Variants in MEGF6 observed in about 807,000 individuals in gnomAD.
The protein encoded by MEGF6 is multiple EGF like domains 6.
In MEGF6, 184 loss-of-function variants were observed where a neutral mutation model predicts 207.1. That is an observed-to-expected ratio of 0.89 (90% CI 0.79 to 1.00). The LOEUF is 1.00. Among genes scored for constraint, MEGF6 ranks in the 50% least tolerant of loss-of-function variants. The pLI is 0.00. For missense variants in MEGF6, 2,282 were observed against 2,202.9 expected (o/e 1.04, Z -0.72); for synonymous variants, 1,038 against 910.0 (o/e 1.14, Z -2.53).
At chr1:3,509,331 C>A in intron 11 of MEGF6, 86 bp from the exon 12 acceptor site, 3 of 1,268,488 alleles carry the variant, frequency 2.4e-6, no homozygotes, top group Non-Finnish European at 3.1e-6. Context: ...GGGCCTAAGC[C>A]CCACCCCAGG....
intron 2 of MEGF6, among the ~76,000 whole-genome samples, chr1:3,598,683 T>C (rs1191804479): frequency 1.3e-5 from 2 of 149,344 alleles, no homozygotes; most frequent in Non-Finnish European, 3.0e-5. Flanking sequence ...GGGGAGCTGG[T>C]TCACGCAGGG....
chr1:3,535,348 G>A (rs1642293887), intron 4 of MEGF6, among the ~76,000 whole-genome samples: 1 of 152,152 alleles, frequency 6.6e-6, no homozygotes, highest in Non-Finnish European at 1.5e-5. Flanking sequence ...AGAGCTATGG[G>A]AGCCTCCTGG....
intron 4 of MEGF6, among the ~76,000 whole-genome samples, chr1:3,572,885 TTCCTGGGTGTGCTGGGTTC>T (rs1306936084): frequency 8.0e-6 from 1 of 124,448 alleles, no homozygotes; most frequent in South Asian, 3.0e-4. Flanking sequence ...TGCTGGGTCC[TTCCTGGGTGTGCTGGGTTC>T]TCCTGGGTGT....
At chr1:3,624,035 C>T in the MEGF6 span, among the ~76,000 whole-genome samples, 1 of 152,306 alleles carries the variant, frequency 6.6e-6, no homozygotes, top group African/African-American at 2.4e-5. Flanking sequence ...ACAAATACTC[C>T]GCTCCATCCC....
intron 5 of MEGF6, among the ~76,000 whole-genome samples, chr1:3,515,856 A>G (rs1641525076): frequency 1.3e-5 from 2 of 152,152 alleles, no homozygotes; most frequent in African/African-American, 4.8e-5. Context: ...AGCACAGAAC[A>G]CTAAGCACCA....
At chr1:3,605,665 AACTCAC>A (rs61705210) in intron 1 of MEGF6, among the ~76,000 whole-genome samples, 74,054 of 150,892 alleles carry the variant, frequency 0.49, 19,671 homozygotes, top group Non-Finnish European at 0.61. Flanking sequence ...CAAGCTCACA[AACTCAC>A]ACACACTCGC....
At chr1:3,555,829 A>G (rs7516641) in intron 4 of MEGF6, among the ~76,000 whole-genome samples, 43,025 of 152,184 alleles carry the variant, frequency 0.28, 10,112 homozygotes, top group African/African-American at 0.65. Flanking sequence ...GCCCCCAACC[A>G]AGGAAGCGAG....
chr1:3,609,812 C>T (rs557236992), intron 1 of MEGF6, among the ~76,000 whole-genome samples: 7 of 152,342 alleles, frequency 4.6e-5, no homozygotes, highest in South Asian at 2.1e-4. Flanking sequence ...CCAGGAAGGT[C>T]GCTGACGGTT....
chr1:3,559,856 A>C (rs2101634281), intron 4 of MEGF6, among the ~76,000 whole-genome samples: 1 of 152,134 alleles, frequency 6.6e-6, no homozygotes, highest in East Asian at 1.9e-4. Context: ...CTAAAAATAC[A>C]AAAAATTAGC....
chr1:3,526,703 T>C (rs1054575384), intron 4 of MEGF6, among the ~76,000 whole-genome samples: 5 of 152,082 alleles, frequency 3.3e-5, no homozygotes, highest in Non-Finnish European at 5.9e-5. Context: ...CCAGCCCAGG[T>C]GACACCTTTT....
chr1:3,531,240 C>T lies in MEGF6; in HGVS notation c.482-6994G>A, dbSNP rs961668796. On this transcript the variant is annotated intron_variant, in intron 4 of 36. Transcript: ENST00000356575. ...CGGCCAGCCCGCGGTCCCGGGACGCCCCCATGGCCTGGTAGGCCGGCGGGC... is the reference window on the plus strand; with the variant it reads ...CGGCCAGCCCGCGGTCCCGGGACGCTCCCATGGCCTGGTAGGCCGGCGGGC... 6.3e-6 allele frequency: 9 copies of T among 1,419,928 alleles called. No homozygotes were observed. In the African/African-American group the frequency reaches 1.4e-4, roughly 21 times the overall value. 88.0% of individuals were successfully genotyped at this position (1,419,928 alleles called of 1,614,324 possible).
intron 4 of MEGF6, among the ~76,000 whole-genome samples, chr1:3,548,990 T>C (rs1389816528): frequency 6.6e-6 from 1 of 152,140 alleles, no homozygotes; most frequent in African/African-American, 2.4e-5. Flanking sequence ...CAATCGCCCC[T>C]TGTTCCCCCA....
At chr1:3,517,298 AC>A (rs1641578303) in intron 5 of MEGF6, among the ~76,000 whole-genome samples, 1 of 151,652 alleles carries the variant, frequency 6.6e-6, no homozygotes, top group South Asian at 2.1e-4. Context: ...GCTTCTCATC[AC>A]CCCCTCCAGA....
chr1:3,537,326 C>T (rs993223354), intron 4 of MEGF6, among the ~76,000 whole-genome samples: 10 of 152,268 alleles, frequency 6.6e-5, no homozygotes, highest in East Asian at 3.9e-4. Context: ...TGGCTGGTGG[C>T]GGGGGGTTGA....
chr1:3,596,482 CCCGCG>C, intron 2 of MEGF6, among the ~76,000 whole-genome samples: 1 of 148,216 alleles, frequency 6.7e-6, no homozygotes, highest in East Asian at 2.0e-4. Flanking sequence ...CCCAGGGCAC[CCCGCG>C]CCATCCCCTG....
intron 4 of MEGF6, among the ~76,000 whole-genome samples, chr1:3,525,233 G>A (rs1641918088): frequency 1.3e-5 from 2 of 152,178 alleles, no homozygotes; most frequent in South Asian, 2.1e-4. Context: ...TCCCAGAGCA[G>A]CCCAGACCCC....
chr1:3,568,844 C>A (rs1167244729), intron 4 of MEGF6, among the ~76,000 whole-genome samples: 2 of 152,192 alleles, frequency 1.3e-5, no homozygotes, highest in African/African-American at 4.8e-5. Flanking sequence ...ACAGCCTGAA[C>A]CCACAAGGGC....
At chr1:3,557,669 G>A (rs913136549) in intron 4 of MEGF6, among the ~76,000 whole-genome samples, 4 of 152,224 alleles carry the variant, frequency 2.6e-5, no homozygotes, top group Admixed American at 6.5e-5. Flanking sequence ...CACAGCCAGC[G>A]CTGCGGAGCA....
chr1:3,532,223 A>C (rs972153836), intron 4 of MEGF6, among the ~76,000 whole-genome samples: 4 of 152,256 alleles, frequency 2.6e-5, no homozygotes, highest in African/African-American at 9.6e-5. Context: ...CGGCAGCAGA[A>C]GGAACCACAG....
Sources: allele counts gnomAD v4.1 joint callset (sites outside exome capture counted in the v4.1 genomes callset), GRCh38; gene constraint gnomAD v4.1.1; transcripts MANE v1.5; gene names NCBI Gene and HGNC (gene_info 2026-07-23, HGNC 2026-07-21).